Variants in ZNF827 observed in about 807,000 individuals in gnomAD.
ZNF827 encodes the protein zinc finger protein 827.
ZNF827 carries 13 observed loss-of-function variants against 102.4 expected under a neutral mutation model. The ratio of observed to expected loss-of-function variants is 0.13; its 90% CI spans 0.08 to 0.20. The LOEUF is 0.20. Ranked by LOEUF, ZNF827 falls within the 10% of genes least tolerant of loss-of-function variation. ZNF827 has a pLI of 1.00. For missense variants in ZNF827, 1,103 were observed against 1,344.4 expected, an observed-to-expected ratio of 0.82 and a Z score of 2.81; for synonymous variants, 523 against 536.2, an observed-to-expected ratio of 0.98 and a Z score of 0.34.
In ZNF827 at chr4:145,814,551, C is replaced by G. The variant is rs540016304; in HGVS notation, c.2383+8871G>C. Among the ~76,000 whole-genome samples, 115 of 152,164 alleles carry G rather than the reference C, an allele frequency of 7.6e-4. No homozygotes were observed. The South Asian group carries it at 0.023, about 31-fold the overall frequency. ...CATTGGTAACCTGTTTGGCTGCTTT[C>G]CTTTGCTTGGCTCATTTTTCCATCT... On this transcript the variant is annotated intron_variant, in intron 8 of 14. Coordinates refer to ENST00000508784, the MANE Select transcript of ZNF827 (RefSeq NM_001306215.2).
chr4:145,915,878 A>G (rs1752633396), intron 1 of ZNF827, among the ~76,000 whole-genome samples: 1 of 152,258 alleles, frequency 6.6e-6, no homozygotes, highest in African/African-American at 2.4e-5. Flanking sequence ...CAGGCATAGA[A>G]TAGGCATTCT....
intron 11 of ZNF827, among the ~76,000 whole-genome samples, chr4:145,774,218 A>C (rs1010671034): frequency 1.3e-5 from 2 of 152,196 alleles, no homozygotes; most frequent in Non-Finnish European, 2.9e-5. Flanking sequence ...AGACTGTCAC[A>C]TATGGTGATG....
intron 1 of ZNF827, among the ~76,000 whole-genome samples, chr4:145,904,687 T>C (rs924627523): frequency 6.6e-6 from 1 of 152,156 alleles, no homozygotes; most frequent in African/African-American, 2.4e-5. Flanking sequence ...TCAGTGTGTG[T>C]TGGCATGTGT....
chr4:145,808,786 A>G (rs1348473842), intron 8 of ZNF827, among the ~76,000 whole-genome samples: 1 of 152,006 alleles, frequency 6.6e-6, no homozygotes, highest in African/African-American at 2.4e-5. Context: ...ACAGTTATGT[A>G]TTTGCTTGTT....
At chr4:145,881,575 C>T (rs532950973) in intron 4 of ZNF827, among the ~76,000 whole-genome samples, 2 of 152,250 alleles carry the variant, frequency 1.3e-5, no homozygotes, top group East Asian at 1.9e-4. Flanking sequence ...GATGTAAGGC[C>T]GTTGCTGCAG....
intron 3 of ZNF827, among the ~76,000 whole-genome samples, chr4:145,887,893 G>C (rs1227989983): frequency 6.6e-6 from 1 of 152,202 alleles, no homozygotes; most frequent in Non-Finnish European, 1.5e-5. Flanking sequence ...CCTGAGAGCA[G>C]TGCAGTGGGG....
chr4:145,815,374 A>G (rs1742498385), intron 8 of ZNF827, among the ~76,000 whole-genome samples: 1 of 152,230 alleles, frequency 6.6e-6, no homozygotes, highest in African/African-American at 2.4e-5. Context: ...AAGAGACACA[A>G]TGAATGAGAG....
At chr4:145,850,551 G>T (rs1746431705) in intron 5 of ZNF827, among the ~76,000 whole-genome samples, 2 of 152,026 alleles carry the variant, frequency 1.3e-5, no homozygotes, top group South Asian at 4.1e-4. Context: ...TAGATGCTGG[G>T]TCTTTAGTCT....
chr4:145,892,035 T>C (rs1349637445), intron 3 of ZNF827, among the ~76,000 whole-genome samples: 2 of 152,188 alleles, frequency 1.3e-5, no homozygotes. Context: ...ATATCGAAGG[T>C]TCTCTCTCTC....
intron 7 of ZNF827, among the ~76,000 whole-genome samples, chr4:145,842,966 A>G (rs2126623860): frequency 6.6e-6 from 1 of 152,302 alleles, no homozygotes; most frequent in East Asian, 1.9e-4. Flanking sequence ...TTTGAAATGT[A>G]TTACAAATCA....
chr4:145,805,380 A>G (rs1741316763), intron 8 of ZNF827, among the ~76,000 whole-genome samples: 1 of 152,200 alleles, frequency 6.6e-6, no homozygotes, highest in South Asian at 2.1e-4. Context: ...GGAAAAAAAA[A>G]TCCCCAAATT....
At chr4:145,872,944 T>C (rs1275637824) in intron 4 of ZNF827, among the ~76,000 whole-genome samples, 1 of 144,646 alleles carries the variant, frequency 6.9e-6, no homozygotes, top group Non-Finnish European at 1.5e-5. Context: ...TTTTTTCTTT[T>C]CTTTTTTTTT....
intron 8 of ZNF827, among the ~76,000 whole-genome samples, chr4:145,783,941 C>T (rs574067133): frequency 2.0e-4 from 31 of 152,208 alleles, no homozygotes; most frequent in African/African-American, 7.0e-4. Context: ...GTGGAGTTCT[C>T]GTGAATGGTT....
chr4:145,869,344 G>C (rs574717992), intron 5 of ZNF827, among the ~76,000 whole-genome samples: 13 of 152,288 alleles, frequency 8.5e-5, no homozygotes, highest in African/African-American at 2.9e-4. Context: ...GGTCTTAAAG[G>C]AGTCTCTCTA....
At chr4:145,808,054 A>AT (rs35503468) in intron 8 of ZNF827, among the ~76,000 whole-genome samples, 128 of 145,420 alleles carry the variant, frequency 8.8e-4, no homozygotes, top group East Asian at 2.4e-3. Flanking sequence ...AAGAGTACAC[A>AT]TTTTTTTTTT....
At position 145,903,219 on chromosome 4, in the gene ZNF827, G is replaced by A. The variant is rs777748730; in HGVS notation, c.44-4C>T. 3 of 1,601,110 alleles carry A rather than the reference G, an allele frequency of 1.9e-6. No individual in the cohort carries two copies. The highest frequency in any genetic ancestry group is 2.6e-6 in the Non-Finnish European group (3 of 1,171,814). ...GCCTCTTCCTGCCTACTAACATCTGGGGAGAATTAAGAAGATCAGGTTTAC... is the reference window on the plus strand; with the variant it reads ...GCCTCTTCCTGCCTACTAACATCTGAGGAGAATTAAGAAGATCAGGTTTAC... On this transcript the variant is annotated splice_region_variant and splice_polypyrimidine_tract_variant and intron_variant, in intron 1 of 14. Transcript: ENST00000508784.
intron 7 of ZNF827, among the ~76,000 whole-genome samples, chr4:145,835,638 A>G (rs1307886328): frequency 1.3e-5 from 2 of 148,804 alleles, no homozygotes; most frequent in Non-Finnish European, 3.0e-5. Context: ...ACCTTAACCC[A>G]CAAGTATAAG....
chr4:145,933,914 G>A (rs1361397200), intron 1 of ZNF827, among the ~76,000 whole-genome samples: 1 of 152,132 alleles, frequency 6.6e-6, no homozygotes, highest in Non-Finnish European at 1.5e-5. Flanking sequence ...CACAGCATCA[G>A]TTAGCCACAC....
chr4:145,913,050 TG>T (rs2126932079), intron 1 of ZNF827, among the ~76,000 whole-genome samples: 1 of 152,328 alleles, frequency 6.6e-6, no homozygotes, highest in South Asian at 2.1e-4. Flanking sequence ...TGTTAAGTCC[TG>T]TGAGGCTGGA....
Sources: gnomAD v4.1 joint callset for allele counts (sites outside exome capture counted in the v4.1 genomes callset) on GRCh38, gnomAD v4.1.1 for gene constraint, MANE v1.5 for transcripts, NCBI Gene and HGNC (gene_info 2026-07-23, HGNC 2026-07-21) for gene names.